The following OR6T1 variants were observed in gnomAD, a reference collection of about 807,000 sequenced individuals.
OR6T1 encodes olfactory receptor 6T1.
For missense variants in OR6T1, 389 were observed against 390.5 expected (o/e 1.00, Z 0.03); for synonymous variants, 179 against 159.1 (o/e 1.13, Z -0.94).
At position 123,942,896 on chromosome 11, in the gene OR6T1, T is replaced by G; in HGVS notation, c.943A>C (p.Lys315Gln). The G allele has an allele frequency of 6.2e-7, 1 of 1,613,964 alleles. No individual in the cohort carries two copies. Among genetic ancestry groups the G allele is most frequent in the Middle Eastern group, 1.7e-4 (1 of 6,060 alleles). Residue 315 changes from lysine (K) to glutamine (Q), a missense_variant, in exon 1 of 1, where the codon AAA (lysine) becomes CAA (glutamine). Coordinates refer to ENST00000321252, the MANE Select transcript of OR6T1 (RefSeq NM_001005187.1). ...LGWPRLTAVM[K>Q]LRVTSQRK The stretch of plus-strand genomic sequence containing the variant: ...TTCCTTTGACTTGTGACCCTCAGTT[T>G]CATCACAGCAGTGAGCCTGGGCCAC...
At chr11:123,943,561 G>C in the OR6T1 span, 1 of 1,614,234 alleles carries the variant, frequency 6.2e-7, no homozygotes, top group South Asian at 1.1e-5. Flanking sequence ...GCTGACAAAT[G>C]AGATGGTGTG....
At position 123,943,670 on chromosome 11, in the gene OR6T1, T is replaced by C. The variant is rs538601847; in HGVS notation, c.169A>G (p.Ile57Val). ...TTCCGCAGGAAGAAGTACATCTGTA[T>C]GTGCAGGCGTTGGTCTATCCAGCTG... ...VLSWIDQRLH[I>V]QMYFFLRNFS... Residue 57 changes from isoleucine (I) to valine (V), a missense_variant, in exon 1 of 1, where the codon ATA becomes GTA. Coordinates refer to ENST00000321252, the MANE Select transcript of OR6T1 (RefSeq NM_001005187.1). The C allele has an allele frequency of 1.1e-5, 18 of 1,614,196 alleles. No individual in the cohort carries two copies. Among genetic ancestry groups the C allele is most frequent in the Non-Finnish European group, 1.5e-5 (18 of 1,180,010 alleles).
At chr11:123,943,601 TG>T in the OR6T1 span, 1 of 1,614,180 alleles carries the variant, frequency 6.2e-7, no homozygotes, top group South Asian at 1.1e-5. Flanking sequence ...ACAAGCATCT[TG>T]GGAACCACAA....
At position 123,943,129 on chromosome 11, in the gene OR6T1, G is replaced by C. The variant is rs371611370; in HGVS notation, c.710C>G (p.Ala237Gly). 1.7e-4 allele frequency: 272 copies of C among 1,614,090 alleles called. No homozygotes were observed. The highest frequency in any genetic ancestry group is 2.2e-4 in the Non-Finnish European group (255 of 1,180,038). Residue 237 changes from alanine (A) to glycine (G), a missense_variant, in exon 1 of 1, where the codon GCG becomes GGG. Transcript: ENST00000321252. Reference sequence around the variant, plus strand: ...AAGATGCGAGGCGCAAGTGGAAAACGCTTTCCTTCGCTCAGCAGCTGTAGG... The same window carrying C: ...AAGATGCGAGGCGCAAGTGGAAAACCCTTTCCTTCGCTCAGCAGCTGTAGG... The part of the protein sequence containing the change: ...RAPTAAERRK[A>G]FSTCASHLTV...
rs139531321 is a variant in OR6T1, at chr11:123,943,429, T to G, written c.410A>C (p.Asn137Thr). Reference sequence around the variant, plus strand: ...CACTAGTTGGGAACAGACATGGCCATTCATCAGGGTCTCATAGCGGAGTGG... The same window carrying G: ...CACTAGTTGGGAACAGACATGGCCAGTCATCAGGGTCTCATAGCGGAGTGG... Reference protein sequence around the residue: ...CRPLRYETLMNGHVCSQLVLA... With the variant: ...CRPLRYETLMTGHVCSQLVLA... The change falls in exon 1 of 1, where the codon AAT becomes ACT. Residue 137 changes from asparagine (N) to threonine (T), a missense_variant. Coordinates refer to ENST00000321252, the MANE Select transcript of OR6T1 (RefSeq NM_001005187.1). 3.0e-4 allele frequency: 482 copies of G among 1,614,146 alleles called. 2 individuals are homozygous for G. In the African/African-American group the frequency reaches 5.6e-3, roughly 19 times the overall value.
rs749592607 is a variant in OR6T1, at chr11:123,943,456, C to T, written c.383G>A (p.Arg128Gln). 55 of 1,613,908 alleles carry T rather than the reference C, an allele frequency of 3.4e-5. No homozygotes were observed. Among genetic ancestry groups the T allele is most frequent in the African/African-American group, 4.0e-5 (3 of 74,906 alleles). Residue 128 changes from arginine to glutamine, a missense_variant, in exon 1 of 1, where the codon CGA becomes CAA. Arg to Gln is a conservative substitution (Grantham distance 43). Coordinates refer to ENST00000321252, the MANE Select transcript of OR6T1 (RefSeq NM_001005187.1). ...MSLDRYLAIC[R>Q]PLRYETLMNG... The stretch of plus-strand genomic sequence containing the variant: ...CATCAGGGTCTCATAGCGGAGTGGT[C>T]GGCAGATTGCCAGGTAACGATCCAG...
the OR6T1 span, chr11:123,942,944 G>A: frequency 1.2e-6 from 2 of 1,614,028 alleles, no homozygotes; most frequent in African/African-American, 2.7e-5. Flanking sequence ...CTCAGTGCTT[G>A]CTGCACCTTG....
rs368315086 is a variant in OR6T1 at position 123,943,328 on chromosome 11, G to A, written c.511C>T (p.Pro171Ser). The change falls in exon 1 of 1, where the codon CCC becomes TCC. Residue 171 changes from proline to serine, a missense_variant. By Grantham distance (74) the Pro-to-Ser change is moderately conservative (BLOSUM62 -1). Coordinates refer to ENST00000321252, the MANE Select transcript of OR6T1 (RefSeq NM_001005187.1). ...CGAAAGAAGTGGTCAATACCATTGG[G>A]GCCACAGAAAGGCAGGCTGGCCATG... ...VLMASLPFCG[P>S]NGIDHFFRDS... 4 of 1,614,152 alleles carry A rather than the reference G, an allele frequency of 2.5e-6. No homozygotes were observed. In the South Asian group the frequency reaches 3.3e-5, roughly 13 times the overall value.
At position 123,943,710 on chromosome 11, in the gene OR6T1, C is replaced by T. The variant is rs530183017; in HGVS notation, c.129G>A (p.Leu43=). Residue 43 remains leucine (L), a synonymous_variant, in exon 1 of 1, where the codon CTG becomes CTA. Coordinates refer to ENST00000321252, the MANE Select transcript of OR6T1 (RefSeq NM_001005187.1). ...VTYIVTATGK[L]LIIVLSWIDQ... ...CTATCCAGCTGAGCACAATAATTAGCAGCTTGCCTGTGGCTGTTACAATGT... is the reference window on the plus strand; with the variant it reads ...CTATCCAGCTGAGCACAATAATTAGTAGCTTGCCTGTGGCTGTTACAATGT... 47 of 1,614,180 alleles carry T rather than the reference C, an allele frequency of 2.9e-5. No individual in the cohort carries two copies. Among genetic ancestry groups the T allele is most frequent in the Non-Finnish European group, 3.7e-5 (44 of 1,180,014 alleles).
In OR6T1 at chr11:123,943,483, G is replaced by C. The variant is rs1863487628; in HGVS notation, c.356C>G (p.Ser119Cys). The part of the protein sequence containing the change: ...TTDFFLLAVM[S>C]LDRYLAICRP... ...GCAGATTGCCAGGTAACGATCCAGA[G>C]ACATGACGGCCAAGAGGAAGAAGTC... The change falls in exon 1 of 1, where the codon TCT becomes TGT. Residue 119 changes from serine to cysteine, a missense_variant. By Grantham distance (112) the Ser-to-Cys change is moderately radical. Transcript: ENST00000321252. The C allele has an allele frequency of 6.2e-7, 1 of 1,614,002 alleles. No homozygotes were observed. The highest frequency in any genetic ancestry group is 1.7e-5 in the Admixed American group (1 of 59,986).
At position 123,943,539 on chromosome 11, in the gene OR6T1, C is replaced by A. The variant is rs775542756; in HGVS notation, c.300G>T (p.Gln100His). The A allele has an allele frequency of 1.9e-6, 3 of 1,614,130 alleles. No homozygotes were observed. Among genetic ancestry groups the A allele is most frequent in the Non-Finnish European group, 2.5e-6 (3 of 1,180,038 alleles). Residue 100 changes from glutamine (Q) to histidine (H), a missense_variant, in exon 1 of 1, where the codon CAG (glutamine) becomes CAT (histidine). Transcript: ENST00000321252. The part of the protein sequence containing the change: ...HTISFVSCII[Q>H]SYLYFFLGTT... ...TGCCTAGAAAGAAGTAGAGGTAGGA[C>A]TGGATGATGCAGCTGACAAATGAGA...
At position 123,942,934 on chromosome 11, in the gene OR6T1, C is replaced by T. The variant is rs1369961605; in HGVS notation, c.905G>A (p.Arg302Lys). 1.2e-6 allele frequency: 2 copies of T among 1,614,048 alleles called. No individual in the cohort carries two copies. The highest frequency in any genetic ancestry group is 4.5e-5 in the East Asian group (2 of 44,890). ...GAGCCTGGGCCACCCCAAGGCTTCTCTCAGTGCTTGCTGCACCTTGTCATT... is the reference window on the plus strand; with the variant it reads ...GAGCCTGGGCCACCCCAAGGCTTCTTTCAGTGCTTGCTGCACCTTGTCATT... ...LRNDKVQQAL[R>K]EALGWPRLTA... Residue 302 changes from arginine (R) to lysine (K), a missense_variant, in exon 1 of 1, where the codon AGA (arginine) becomes AAA (lysine). Arg to Lys is a conservative substitution (Grantham distance 26). Transcript: ENST00000321252.
At position 123,943,589 on chromosome 11, in the gene OR6T1, C is replaced by T. The variant is rs148288062; in HGVS notation, c.250G>A (p.Val84Ile). 73 of 1,614,082 alleles carry T rather than the reference C, an allele frequency of 4.5e-5. No individual in the cohort carries two copies. Among genetic ancestry groups the T allele is most frequent in the African/African-American group, 2.0e-4 (15 of 74,932 alleles). The change falls in exon 1 of 1, where the codon GTC (valine) becomes ATC (isoleucine). Residue 84 changes from valine to isoleucine, a missense_variant. Physicochemically the swap from Val to Ile is conservative, Grantham distance 29 (BLOSUM62 3). Coordinates refer to ENST00000321252, the MANE Select transcript of OR6T1 (RefSeq NM_001005187.1). The stretch of plus-strand genomic sequence containing the variant: ...ATGGTGTGATCCCCCGTGAGGATGA[C>T]GACAAGCATCTTGGGAACCACAACA... ...VTVVVPKMLV[V>I]ILTGDHTISF...
In OR6T1 at chr11:123,943,602, G is replaced by A; in HGVS notation, c.237C>T (p.Pro79=). The change falls in exon 1 of 1, where the codon CCC becomes CCT. Residue 79 remains proline (P), a synonymous_variant. Coordinates refer to ENST00000321252, the MANE Select transcript of OR6T1 (RefSeq NM_001005187.1). Reference sequence around the variant, plus strand: ...CCGTGAGGATGACGACAAGCATCTTGGGAACCACAACAGTTACCAGCAACA... The same window carrying A: ...CCGTGAGGATGACGACAAGCATCTTAGGAACCACAACAGTTACCAGCAACA... ...LELLLVTVVV[P]KMLVVILTGD... is the part of the protein sequence containing the mutation. 7 of 1,614,172 alleles carry A rather than the reference G, an allele frequency of 4.3e-6. No individual in the cohort carries two copies. The highest frequency in any genetic ancestry group is 5.9e-6 in the Non-Finnish European group (7 of 1,180,022).
rs775452861 is a variant in OR6T1 at position 123,943,629 on chromosome 11, C to G, written c.210G>C (p.Glu70Asp). ...YFFLRNFSFL[E>D]LLLVTVVVPK... Reference sequence around the variant, plus strand: ...GAACCACAACAGTTACCAGCAACAGCTCCAGGAAGGAGAAATTCCGCAGGA... The same window carrying G: ...GAACCACAACAGTTACCAGCAACAGGTCCAGGAAGGAGAAATTCCGCAGGA... The change falls in exon 1 of 1, where the codon GAG becomes GAC. Residue 70 changes from glutamate (E) to aspartate (D), a missense_variant. Transcript: ENST00000321252. 6.2e-7 allele frequency: 1 copy of G among 1,614,248 alleles called. No individual in the cohort carries two copies. The highest frequency in any genetic ancestry group is 1.1e-5 in the South Asian group (1 of 91,088).
Position 123,943,344 on chromosome 11 carries a change from G to T in OR6T1, c.495C>A (p.Ser165Arg). The T allele has an allele frequency of 2.5e-6, 4 of 1,614,190 alleles. No homozygotes were observed. Among genetic ancestry groups the T allele is most frequent in the Non-Finnish European group, 3.4e-6 (4 of 1,180,036 alleles). Residue 165 changes from serine (S) to arginine (R), a missense_variant, in exon 1 of 1, where the codon AGC becomes AGA. Ser to Arg is a moderately radical substitution (Grantham distance 110). Transcript: ENST00000321252. ...WVLCPTVLMA[S>R]LPFCGPNGID... is the part of the protein sequence containing the mutation. ...TACCATTGGGGCCACAGAAAGGCAG[G>T]CTGGCCATGAGGACAGTGGGGCAAA...
In OR6T1 at chr11:123,943,058, G is replaced by T. The variant is rs770876608; in HGVS notation, c.781C>A (p.Arg261Ser). 4 of 1,614,130 alleles carry T rather than the reference G, an allele frequency of 2.5e-6. No individual in the cohort carries two copies. The South Asian group carries it at 3.3e-5, about 13-fold the overall frequency. ...AGTTTGGACTGAGCCTCTGACATACGAATGTAGAGAAAGATGGAACTGCCA... is the reference window on the plus strand; with the variant it reads ...AGTTTGGACTGAGCCTCTGACATACTAATGTAGAGAAAGATGGAACTGCCA... ...IYGSSIFLYIRMSEAQSKLLN... is the reference protein window; with the variant it reads ...IYGSSIFLYISMSEAQSKLLN... Residue 261 changes from arginine (R) to serine (S), a missense_variant, in exon 1 of 1, where the codon CGT (arginine) becomes AGT (serine). Transcript: ENST00000321252.
At position 123,943,061 on chromosome 11, in the gene OR6T1, T is replaced by G; in HGVS notation, c.778A>C (p.Ile260Leu). 1 of 1,614,006 alleles carries G rather than the reference T, an allele frequency of 6.2e-7. No individual in the cohort carries two copies. Among genetic ancestry groups the G allele is most frequent in the African/African-American group, 1.3e-5 (1 of 74,974 alleles). The change falls in exon 1 of 1, where the codon ATT (isoleucine) becomes CTT (leucine). Residue 260 changes from isoleucine to leucine, a missense_variant. Coordinates refer to ENST00000321252, the MANE Select transcript of OR6T1 (RefSeq NM_001005187.1). ...TTGGACTGAGCCTCTGACATACGAA[T>G]GTAGAGAAAGATGGAACTGCCATAG... is the stretch of plus-strand genomic sequence containing the variant. ...IIYGSSIFLYIRMSEAQSKLL... is the reference protein window; with the variant it reads ...IIYGSSIFLYLRMSEAQSKLL...
rs530183017 is a variant in OR6T1, at chr11:123,943,710, C to A, written c.129G>T (p.Leu43=). The part of the protein sequence containing the change: ...VTYIVTATGK[L]LIIVLSWIDQ... ...CTATCCAGCTGAGCACAATAATTAG[C>A]AGCTTGCCTGTGGCTGTTACAATGT... Residue 43 remains leucine (L), a synonymous_variant, in exon 1 of 1, where the codon CTG becomes CTT. Transcript: ENST00000321252. The A allele has an allele frequency of 6.2e-7, 1 of 1,614,180 alleles. No homozygotes were observed. The highest frequency in any genetic ancestry group is 1.3e-5 in the African/African-American group (1 of 75,060).
Sources: allele counts gnomAD v4.1 joint callset, GRCh38; gene constraint gnomAD v4.1.1; transcripts MANE v1.5; gene names NCBI Gene and HGNC (gene_info 2026-07-23, HGNC 2026-07-21).